ZNF616: variants seen among roughly 807,000 people sequenced by gnomAD.
ZNF616 encodes zinc finger protein 616.
In ZNF616, 5 loss-of-function variants were observed where a neutral mutation model predicts 7.6. The ratio of observed to expected loss-of-function variants is 0.66; its 90% confidence interval spans 0.34 to 1.38. The LOEUF (loss-of-function observed/expected upper bound fraction) is 1.38. Among genes scored for constraint, ZNF616 ranks in the 40% most tolerant of loss-of-function variants. The pLI is 0.04. For missense variants in ZNF616, 913 were observed against 948.3 expected (o/e 0.96, Z 0.49); for synonymous variants, 319 against 317.2 (o/e 1.01, Z -0.06).
At chr19:52,123,753 T>C (rs779192953) in intron 3 of ZNF616, among the ~76,000 whole-genome samples, 170 bp downstream of exon 3, 4 of 152,196 alleles carry the variant, frequency 2.6e-5, no homozygotes, top group African/African-American at 7.2e-5. Context: ...CAGCAGAATA[T>C]ATATACAAAG....
rs999294332 is a variant in ZNF616 at position 52,139,337 on chromosome 19, G to A, written c.-77+395C>T. On this transcript the variant is annotated intron_variant, in intron 1 of 3. Coordinates refer to ENST00000600228, the MANE Select transcript of ZNF616 (RefSeq NM_178523.5). This position sits in a 1 kb window ranked among gnomAD's most constrained non-coding sequence, Gnocchi z 4.1. The stretch of plus-strand genomic sequence containing the variant: ...TCAGGAAAAGCAGTGGCTGTGAAGG[G>A]GCAGCCTGGGGAGGGGAAGGACCCG... Among the ~76,000 whole-genome samples the A allele has an allele frequency of 6.6e-6, 1 of 152,154 alleles. No individual in the cohort carries two copies. The highest frequency in any genetic ancestry group is 1.5e-5 in the Non-Finnish European group (1 of 68,016).
chr19:52,124,819 G>T (rs528207144), intron 2 of ZNF616, among the ~76,000 whole-genome samples: 1 of 152,152 alleles, frequency 6.6e-6, no homozygotes, highest in Non-Finnish European at 1.5e-5. Flanking sequence ...CAGAAGGACT[G>T]ATGTCTGCTG....
Position 52,114,298 on chromosome 19 carries a change from T to C in ZNF616, c.*520A>G, listed in dbSNP as rs1005499816. 3.3e-5 allele frequency: 5 copies of C among 152,630 alleles called. No individual in the cohort carries two copies. The highest frequency in any genetic ancestry group is 1.2e-4 in the African/African-American group (5 of 41,434). The allele number at this position is 152,630 out of a possible 1,614,324, so 9.5% of individuals were successfully genotyped here. ...GAATATATATACAAATTCTTACACCTAGTGAGTAGTGAATACTAGCTTAAA... is the reference window on the plus strand; with the variant it reads ...GAATATATATACAAATTCTTACACCCAGTGAGTAGTGAATACTAGCTTAAA... On this transcript the variant is annotated 3_prime_UTR_variant, in exon 4 of 4. Transcript: ENST00000600228.
intron 1 of ZNF616, among the ~76,000 whole-genome samples, chr19:52,134,247 C>T (rs1362352814): frequency 6.6e-6 from 1 of 152,124 alleles, no homozygotes; most frequent in Non-Finnish European, 1.5e-5. Context: ...TAATAATTTC[C>T]CTCCTTATCA....
chr19:52,129,840 G>A (rs1463951379), intron 2 of ZNF616, among the ~76,000 whole-genome samples: 1 of 151,288 alleles, frequency 6.6e-6, no homozygotes, highest in African/African-American at 2.4e-5. Context: ...CTGGGGTGCA[G>A]TGGCACCATC....
chr19:52,128,989 A>G (rs1160601186), intron 2 of ZNF616, among the ~76,000 whole-genome samples: 1 of 151,888 alleles, frequency 6.6e-6, no homozygotes, highest in Non-Finnish European at 1.5e-5. Context: ...AACATTATTT[A>G]CAGGCTGGGT....
chr19:52,131,449 C>A lies in ZNF616; in HGVS notation c.-76-861G>T, dbSNP rs184934798. On this transcript the variant is annotated intron_variant, in intron 1 of 3. Coordinates refer to ENST00000600228, the MANE Select transcript of ZNF616 (RefSeq NM_178523.5). ...CTCAAAGGGGGCAAGACTACCACAG[C>A]CCCAGTCTCCCAGCTCTGACCTCCC... 3.5e-3 allele frequency among the ~76,000 whole-genome samples: 532 copies of A among 152,214 alleles called. 3 individuals carry two copies. The highest frequency in any genetic ancestry group is 7.9e-3 in the African/African-American group (330 of 41,526).
intron 3 of ZNF616, among the ~76,000 whole-genome samples, chr19:52,117,769 T>C (rs575778871): frequency 9.1e-4 from 139 of 152,234 alleles, no homozygotes; most frequent in Non-Finnish European, 1.8e-3. Context: ...TCTATGGCCA[T>C]ACCACCTGGA....
chr19:52,139,580 C>T lies in ZNF616; in HGVS notation c.-77+152G>A, dbSNP rs1262139122. Among the ~76,000 whole-genome samples, 4 of 152,112 alleles carry T rather than the reference C, an allele frequency of 2.6e-5. No homozygotes were observed. Among genetic ancestry groups the T allele is most frequent in the Non-Finnish European group, 2.9e-5 (2 of 68,026 alleles). On this transcript the variant is annotated intron_variant, in intron 1 of 3. Transcript: ENST00000600228. This position sits in a 1 kb window ranked among gnomAD's most constrained non-coding sequence, Gnocchi z 4.1. Reference sequence around the variant, plus strand: ...CTCGCGAGGGAGGACTTGACTTCGCCCGGGGCCGAAGCAGGGGTCAATGAG... The same window carrying T: ...CTCGCGAGGGAGGACTTGACTTCGCTCGGGGCCGAAGCAGGGGTCAATGAG...
intron 1 of ZNF616, among the ~76,000 whole-genome samples, chr19:52,134,036 C>T (rs982668149): frequency 1.1e-4 from 16 of 152,082 alleles, no homozygotes; most frequent in African/African-American, 3.9e-4. Context: ...CCACCCATGT[C>T]CTGGCCAAGC....
chr19:52,119,238 G>T (rs2088848361), intron 3 of ZNF616, among the ~76,000 whole-genome samples: 1 of 152,070 alleles, frequency 6.6e-6, no homozygotes, highest in Non-Finnish European at 1.5e-5. Flanking sequence ...TTAGCTGGGT[G>T]TGGGGGCAGG....
chr19:52,115,495 C>T lies in ZNF616; in HGVS notation c.1669G>A (p.Val557Ile), dbSNP rs2088811221. 6.2e-7 allele frequency: 1 copy of T among 1,614,024 alleles called. No homozygotes were observed. Among genetic ancestry groups the T allele is most frequent in the Admixed American group, 1.7e-5 (1 of 59,984 alleles). ...KPYKCKECGK[V>I]FSQCSRLTVH... ...GTAAGACGTGAACATTGACTGAAGA[C>T]CTTGCCACATTCTTTGCATTTGTAA... The change falls in exon 4 of 4, where the codon GTC becomes ATC. Residue 557 changes from valine to isoleucine, a missense_variant. Val to Ile is a conservative substitution (Grantham distance 29). Transcript: ENST00000600228.
At chr19:52,131,223 A>G (rs2088957322) in intron 1 of ZNF616, among the ~76,000 whole-genome samples, 1 of 149,046 alleles carries the variant, frequency 6.7e-6, no homozygotes, top group African/African-American at 2.5e-5. Flanking sequence ...AGCCAAGATC[A>G]AGCCACTGCA....
At chr19:52,119,319 T>A (rs888393785) in intron 3 of ZNF616, among the ~76,000 whole-genome samples, 2 of 147,002 alleles carry the variant, frequency 1.4e-5, no homozygotes, top group Non-Finnish European at 3.0e-5. Flanking sequence ...GAGGTTACAG[T>A]GAGCCGAGAT....
intron 1 of ZNF616, among the ~76,000 whole-genome samples, chr19:52,130,791 C>T (rs569192407): frequency 6.6e-6 from 1 of 152,322 alleles, no homozygotes; most frequent in South Asian, 2.1e-4. Context: ...TGGGAGAAGC[C>T]CACACACAGG....
chr19:52,136,388 G>A (rs1250753547), intron 1 of ZNF616, among the ~76,000 whole-genome samples: 2 of 151,902 alleles, frequency 1.3e-5, no homozygotes, highest in East Asian at 1.9e-4. Flanking sequence ...GGATGAGGTC[G>A]CAGTGAGCTG....
chr19:52,131,256 T>G, intron 1 of ZNF616, among the ~76,000 whole-genome samples: 1 of 116,928 alleles, frequency 8.6e-6, no homozygotes, highest in Non-Finnish European at 1.6e-5. Flanking sequence ...CGACAGAGAC[T>G]CTGTCACCAA....
At chr19:52,130,656 C>T in intron 1 of ZNF616, 68 bp from the exon 2 acceptor site, 1 of 1,228,530 alleles carries the variant, frequency 8.1e-7, no homozygotes, top group East Asian at 2.4e-5. Context: ...CACAACCATG[C>T]ACACAGGGAA....
rs373169047 is a variant in ZNF616 at position 52,134,604 on chromosome 19, C to A, written c.-76-4016G>T. ...GACTCTAACTCCAGGTAGACAGTGCCAGAATTAAATTGAATTCTAAGGCAA... is the reference window on the plus strand; with the variant it reads ...GACTCTAACTCCAGGTAGACAGTGCAAGAATTAAATTGAATTCTAAGGCAA... On this transcript the variant is annotated intron_variant, in intron 1 of 3. Transcript: ENST00000600228. Among the ~76,000 whole-genome samples, 60 of 152,268 alleles carry A rather than the reference C, an allele frequency of 3.9e-4. No homozygotes were observed. The East Asian group carries it at 8.9e-3, about 23-fold the overall frequency.
Sources: allele counts gnomAD v4.1 joint callset (sites outside exome capture counted in the v4.1 genomes callset), GRCh38; gene constraint gnomAD v4.1.1; non-coding constraint Gnocchi (gnomAD v3.1); transcripts MANE v1.5; gene names NCBI Gene and HGNC (gene_info 2026-07-23, HGNC 2026-07-21).